Variants in NPNT observed in about 807,000 individuals in gnomAD.
The protein encoded by NPNT is preosteoblast EGF-like repeat protein with MAM domain.
NPNT carries 45 observed loss-of-function variants against 68.6 expected under a neutral mutation model. The observed-to-expected ratio is 0.66, with a 90% confidence interval of 0.52 to 0.84. The LOEUF (loss-of-function observed/expected upper bound fraction) is 0.84, where lower values mean the gene tolerates loss of function less well. Ranked by LOEUF, NPNT falls within the 40% of genes least tolerant of loss-of-function variation. The pLI, the probability that NPNT is intolerant of heterozygous loss-of-function variation, is 0.00. For missense variants in NPNT, 672 were observed against 714.8 expected, an observed-to-expected ratio of 0.94 and a Z score of 0.68; for synonymous variants, 233 against 253.3, an observed-to-expected ratio of 0.92 and a Z score of 0.76.
intron 1 of NPNT, among the ~76,000 whole-genome samples, chr4:105,896,484 C>T (rs752774931): frequency 6.6e-6 from 1 of 152,138 alleles, no homozygotes; most frequent in Non-Finnish European, 1.5e-5. Flanking sequence ...CTGGGTCTGT[C>T]GGGAGGGTGT....
At chr4:105,955,154 G>A (rs1173853106) in intron 8 of NPNT, among the ~76,000 whole-genome samples, 1 of 152,134 alleles carries the variant, frequency 6.6e-6, no homozygotes, top group Non-Finnish European at 1.5e-5. Context: ...CAACTGCAGA[G>A]AATAGCAGGT....
intron 2 of NPNT, chr4:105,912,353 T>C: frequency 4.1e-6 from 3 of 724,234 alleles, no homozygotes; most frequent in Non-Finnish European, 6.7e-6. Context: ...TTTGAATTGC[T>C]TCTTTTTAGG....
intron 8 of NPNT, among the ~76,000 whole-genome samples, chr4:105,943,440 A>C (rs1399131932): frequency 6.6e-5 from 10 of 152,164 alleles, no homozygotes; most frequent in Non-Finnish European, 1.5e-5. Flanking sequence ...CTGGACAGCT[A>C]CCCCTTGGAT....
rs962144528 is a variant in NPNT at position 105,933,981 on chromosome 4, A to T, written c.266-3028A>T. ...ATAAGCACATGAAATAATTCATTAA[A>T]TTTTTTATTTTCCTATTTTATAGAT... On this transcript the variant is annotated intron_variant, in intron 3 of 11. Coordinates refer to ENST00000379987, the MANE Select transcript of NPNT (RefSeq NM_001033047.3). Among the ~76,000 whole-genome samples, 24 of 152,246 alleles carry T rather than the reference A, an allele frequency of 1.6e-4. No homozygotes were observed. In the East Asian group the frequency reaches 1.7e-3, roughly 11 times the overall value.
At chr4:105,942,808 A>C (rs748454730) in intron 8 of NPNT, 106 bp downstream of exon 8, 73 of 1,100,360 alleles carry the variant, frequency 6.6e-5, no homozygotes, top group Admixed American at 1.6e-4. Flanking sequence ...AGAACTAGCT[A>C]TGTAAAGTCG....
In NPNT at chr4:105,958,848, A is replaced by T. The variant is rs918448072; in HGVS notation, c.1247-180A>T. 5 of 575,070 alleles carry T rather than the reference A, an allele frequency of 8.7e-6. No individual in the cohort carries two copies. In the South Asian group the frequency reaches 1.0e-4, roughly 12 times the overall value. The allele number at this position is 575,070 out of a possible 1,614,324, so 35.6% of individuals were successfully genotyped here. ...ACACTTGTGTGTTCTATTTTTACAG[A>T]TGATGCACTATTGTGCTGAGAAAAG... On this transcript the variant is annotated intron_variant, in intron 9 of 11. Coordinates refer to ENST00000379987, the MANE Select transcript of NPNT (RefSeq NM_001033047.3).
intron 2 of NPNT, among the ~76,000 whole-genome samples, chr4:105,905,389 C>G (rs1726807071): frequency 6.6e-6 from 1 of 152,140 alleles, no homozygotes; most frequent in South Asian, 2.1e-4. Context: ...TCTAACTTTC[C>G]TGTTTTCCTG....
chr4:105,926,843 T>C (rs1728716766), intron 2 of NPNT, among the ~76,000 whole-genome samples: 2 of 152,170 alleles, frequency 1.3e-5, no homozygotes, highest in Admixed American at 1.3e-4. Context: ...GTTGTTTTGG[T>C]TTTTGTTTCA....
chr4:105,911,520 T>G (rs144540342), intron 2 of NPNT: 1 of 152,686 alleles, frequency 6.5e-6, no homozygotes, highest in Non-Finnish European at 1.5e-5. Flanking sequence ...CTGACCATTA[T>G]TAGTACCATT....
At chr4:105,920,395 TAAA>T (rs11355483) in intron 2 of NPNT, among the ~76,000 whole-genome samples, 8 of 79,504 alleles carry the variant, frequency 1.0e-4, no homozygotes, top group Admixed American at 1.3e-4. Flanking sequence ...GTTACTCTAC[TAAA>T]AAAAAAAAAA....
rs1732233151 is a variant in NPNT at position 105,967,283 on chromosome 4, C to G, written c.1441C>G (p.Leu481Val). The change falls in exon 11 of 12, where the codon CTG (leucine) becomes GTG (valine). Residue 481 changes from leucine (L) to valine (V), a missense_variant. Physicochemically the swap from Leu to Val is conservative, Grantham distance 32. Transcript: ENST00000379987. ...CGGCCGCCTCATGCATTCAGGGGAC[C>G]TGTGCCTGTCATTCAGGCACAAGGT... ...PLGRLMHSGD[L>V]CLSFRHKVTG... is the part of the protein sequence containing the mutation. The G allele has an allele frequency of 6.2e-6, 10 of 1,613,970 alleles. No individual in the cohort carries two copies. The East Asian group carries it at 2.2e-4, about 36-fold the overall frequency.
intron 7 of NPNT, among the ~76,000 whole-genome samples, 173 bp from the exon 8 acceptor site, chr4:105,942,134 T>G (rs55944374): frequency 0.17 from 2,472 of 14,230 alleles, 88 homozygotes; most frequent in South Asian, 0.5. Flanking sequence ...TATATATATA[T>G]ATACACACAT....
chr4:105,931,835 A>G (rs530457744), intron 3 of NPNT, among the ~76,000 whole-genome samples: 2 of 152,152 alleles, frequency 1.3e-5, no homozygotes, highest in East Asian at 1.9e-4. Flanking sequence ...GCAAGACTCC[A>G]TCTAAAAAAA....
intron 2 of NPNT, among the ~76,000 whole-genome samples, chr4:105,915,473 T>C (rs533191589): frequency 6.6e-6 from 1 of 152,282 alleles, no homozygotes; most frequent in Non-Finnish European, 1.5e-5. Context: ...CAGCTTCTTT[T>C]TTGATAAAAT....
chr4:105,929,581 G>T (rs1402024786), intron 3 of NPNT: 1 of 152,192 alleles, frequency 6.6e-6, no homozygotes, highest in Non-Finnish European at 1.5e-5. Context: ...GCAGGTAGCA[G>T]TGTTCTGGTT....
chr4:105,911,803 C>A (rs757763410), intron 2 of NPNT: 4 of 199,718 alleles, frequency 2.0e-5, no homozygotes, highest in Non-Finnish European at 4.1e-5. Flanking sequence ...TAAATTTTTT[C>A]AGATGTGTTT....
intron 8 of NPNT, among the ~76,000 whole-genome samples, chr4:105,947,797 G>A (rs569157919): frequency 2.6e-5 from 4 of 152,048 alleles, no homozygotes; most frequent in East Asian, 1.9e-4. Flanking sequence ...ACAAATGATC[G>A]AGTCAAAGAT....
intron 3 of NPNT, among the ~76,000 whole-genome samples, chr4:105,933,103 A>G (rs954091219): frequency 6.6e-5 from 10 of 152,200 alleles, no homozygotes; most frequent in African/African-American, 2.2e-4. Flanking sequence ...GTTTTAGGTT[A>G]TCTGAAAATC....
chr4:105,938,100 A>C (rs1198703110), intron 4 of NPNT, among the ~76,000 whole-genome samples: 1 of 152,142 alleles, frequency 6.6e-6, no homozygotes, highest in East Asian at 1.9e-4. Context: ...CAGATAATCT[A>C]TATATGATAG....
Sources: allele counts gnomAD v4.1 joint callset (sites outside exome capture counted in the v4.1 genomes callset), GRCh38; gene constraint gnomAD v4.1.1; transcripts MANE v1.5; gene names NCBI Gene and HGNC (gene_info 2026-07-23, HGNC 2026-07-21).